Variants in DDX50 observed in about 807,000 individuals in gnomAD.
DDX50 encodes the protein DExD-box helicase 50.
Under a neutral mutation model 94.8 loss-of-function variants are expected in DDX50, and 56 were observed. The ratio of observed to expected loss-of-function variants is 0.59; its 90% CI spans 0.48 to 0.74. The LOEUF (loss-of-function observed/expected upper bound fraction) is 0.74, where lower values mean the gene tolerates loss of function less well. DDX50 is among the 30% of genes least tolerant of loss of function. The pLI, the probability that DDX50 is intolerant of heterozygous loss-of-function variation, is 0.00. For missense variants in DDX50, 713 were observed against 881.2 expected, an observed-to-expected ratio of 0.81 and a Z score of 2.42; for synonymous variants, 264 against 295.4, an observed-to-expected ratio of 0.89 and a Z score of 1.09.
At chr10:68,906,006 C>A (rs1439669383) in intron 1 of DDX50, among the ~76,000 whole-genome samples, 1 of 152,164 alleles carries the variant, frequency 6.6e-6, no homozygotes, top group Non-Finnish European at 1.5e-5. Context: ...TTTTGGAATT[C>A]AGAATTCTGG....
chr10:68,939,766 C>T (rs1032349702), intron 12 of DDX50, among the ~76,000 whole-genome samples: 1 of 152,148 alleles, frequency 6.6e-6, no homozygotes, highest in East Asian at 1.9e-4. Context: ...TCTTTGTTCC[C>T]TAAGCCCTGC....
At chr10:68,907,555 G>A (rs1841496823) in intron 2 of DDX50, among the ~76,000 whole-genome samples, 1 of 151,902 alleles carries the variant, frequency 6.6e-6, no homozygotes, top group Non-Finnish European at 1.5e-5. Context: ...ACCTCAAAGT[G>A]ATCCACCTGT....
chr10:68,934,974 G>T lies in DDX50; in HGVS notation c.1521+56G>T. On this transcript the variant is annotated intron_variant, in intron 10 of 14. Coordinates refer to ENST00000373585, the MANE Select transcript of DDX50 (RefSeq NM_024045.2). The surrounding 1 kb of genome is among the most constrained non-coding windows in gnomAD (Gnocchi z 4.0). ...TGTCTAAATGGTGCCTTAAAAGAGA[G>T]CTCTTCTTATATTTATTCTTACAAG... 1 of 1,552,646 alleles carries T rather than the reference G, an allele frequency of 6.4e-7. No individual in the cohort carries two copies. Among genetic ancestry groups the T allele is most frequent in the Non-Finnish European group, 8.7e-7 (1 of 1,150,824 alleles).
intron 4 of DDX50, chr10:68,911,587 G>A (rs1841627165): frequency 6.1e-6 from 1 of 164,916 alleles, no homozygotes; most frequent in African/African-American, 2.4e-5. Flanking sequence ...TTCTAAAGAG[G>A]TGTTCATTTA....
At chr10:68,902,124 T>C (rs1589244985) in intron 1 of DDX50, among the ~76,000 whole-genome samples, 2 of 144,518 alleles carry the variant, frequency 1.4e-5, no homozygotes, top group Non-Finnish European at 3.0e-5. Context: ...AGTAAAGAAA[T>C]GGTCTCTGCT....
intron 12 of DDX50, 114 bp from the exon 13 acceptor site, chr10:68,940,946 A>G (rs755684064): frequency 6.5e-6 from 9 of 1,391,528 alleles, no homozygotes; most frequent in Non-Finnish European, 8.6e-6. Flanking sequence ...CTGCAATGTT[A>G]TACTTTTGGC....
intron 1 of DDX50, among the ~76,000 whole-genome samples, chr10:68,901,839 A>G (rs1483669886): frequency 6.6e-6 from 1 of 152,194 alleles, no homozygotes; most frequent in Non-Finnish European, 1.5e-5. Context: ...TTAAGAAAAA[A>G]TGATTGCTTT....
At position 68,906,879 on chromosome 10, in the gene DDX50, T is replaced by G. The variant is rs775122594; in HGVS notation, c.256T>G (p.Ser86Ala). The change falls in exon 2 of 15, where the codon TCC (serine) becomes GCC (alanine). Residue 86 changes from serine (S) to alanine (A), a missense_variant. Physicochemically the swap from Ser to Ala is moderately conservative, Grantham distance 99. Around this residue, in one of 2 missense-constraint regions of DDX50, gnomAD observed 285 missense variants for 278.9 expected, o/e 1.02. Transcript: ENST00000373585. ...ATTTAATAGACTTTCAGATGAATTC[T>G]CCAAATCTCATAAGTCAAGAAGAAA... ...EGFNRLSDEFSKSHKSRRKDL... is the reference protein window; with the variant it reads ...EGFNRLSDEFAKSHKSRRKDL... 3 of 1,611,504 alleles carry G rather than the reference T, an allele frequency of 1.9e-6. No individual in the cohort carries two copies. In the South Asian group the frequency reaches 3.3e-5, roughly 18 times the overall value.
rs762057361 is a variant in DDX50 at position 68,913,180 on chromosome 10, A to G, written c.658A>G (p.Thr220Ala). The part of the protein sequence containing the change: ...RSPKVLVLAP[T>A]RELANQVAKD... Reference sequence around the variant, plus strand: ...TGCTCAGGTACTTGTTTTGGCTCCAACAAGGGAACTGGCAAACCAAGTAGC... The same window carrying G: ...TGCTCAGGTACTTGTTTTGGCTCCAGCAAGGGAACTGGCAAACCAAGTAGC... The change falls in exon 5 of 15, where the codon ACA becomes GCA. Residue 220 changes from threonine to alanine, a missense_variant. Around this residue, in one of 2 missense-constraint regions of DDX50, gnomAD observed 285 missense variants for 278.9 expected, o/e 1.02. Coordinates refer to ENST00000373585, the MANE Select transcript of DDX50 (RefSeq NM_024045.2). 116 of 1,608,816 alleles carry G rather than the reference A, an allele frequency of 7.2e-5. No homozygotes were observed. In the Admixed American group the frequency reaches 7.9e-4, roughly 11 times the overall value.
At chr10:68,914,587 GA>G (rs57933870) in intron 7 of DDX50, among the ~76,000 whole-genome samples, 4 of 151,950 alleles carry the variant, frequency 2.6e-5, no homozygotes, top group Non-Finnish European at 5.9e-5. Flanking sequence ...AAGCTGAGGT[GA>G]AAAAAAGATA....
intron 14 of DDX50, 124 bp downstream of exon 14, chr10:68,943,381 T>C (rs1842595454): frequency 1.3e-6 from 1 of 774,076 alleles, no homozygotes; most frequent in Non-Finnish European, 2.0e-6. Context: ...TTCCTTAATA[T>C]AAAATAACCA....
chr10:68,936,709 C>T lies in DDX50; in HGVS notation c.1596-227C>T, dbSNP rs536219137. On this transcript the variant is annotated intron_variant, in intron 11 of 14. Transcript: ENST00000373585. ...CAAAGATTAGCCAGGAGTGGTGGCG[C>T]GTGCACCTGTAGTCCCAGCTACTTG... Among the ~76,000 whole-genome samples the T allele has an allele frequency of 1.8e-3, 272 of 148,688 alleles. 1 individual carries two copies. Among genetic ancestry groups the T allele is most frequent in the African/African-American group, 6.5e-3 (262 of 40,378 alleles).
chr10:68,919,959 C>G lies in DDX50; in HGVS notation c.1217C>G (p.Ala406Gly), dbSNP rs750835195. The G allele has an allele frequency of 3.1e-6, 5 of 1,614,086 alleles. No homozygotes were observed. In the Admixed American group the frequency reaches 6.7e-5, roughly 22 times the overall value. ...CETKKNVTEM[A>G]MNPHIKQNAQ... ...ACCAAGAAGAATGTAACTGAAATGG[C>G]CATGAATCCACACATAAAACAGGTA... is the stretch of plus-strand genomic sequence containing the variant. Residue 406 changes from alanine to glycine, a missense_variant, in exon 8 of 15, where the codon GCC becomes GGC. Transcript: ENST00000373585.
chr10:68,944,233 T>TA (rs1351705812), intron 14 of DDX50, among the ~76,000 whole-genome samples: 1 of 152,208 alleles, frequency 6.6e-6, no homozygotes, highest in Non-Finnish European at 1.5e-5. Flanking sequence ...ATAAAGCTCA[T>TA]AGATTGTAAT....
At position 68,934,345 on chromosome 10, in the gene DDX50, A is replaced by G. The variant is rs1177883816; in HGVS notation, c.1386A>G (p.Gln462=). Residue 462 remains glutamine (Q), a synonymous_variant, in exon 9 of 15, where the codon CAA becomes CAG. Coordinates refer to ENST00000373585, the MANE Select transcript of DDX50 (RefSeq NM_024045.2). This position sits in a 1 kb window ranked among gnomAD's most constrained non-coding sequence, Gnocchi z 4.0. ...LDIPEVDLVI[Q]SSPPQDVESY... ...TTCCTGAAGTTGACCTGGTGATTCA[A>G]AGTTCTCCTCCTCAGGTAGGAAATG... is the stretch of plus-strand genomic sequence containing the variant. The G allele has an allele frequency of 6.2e-7, 1 of 1,613,732 alleles. No individual in the cohort carries two copies. Among genetic ancestry groups the G allele is most frequent in the South Asian group, 1.1e-5 (1 of 91,034 alleles).
At chr10:68,926,992 A>C (rs1285244545) in intron 8 of DDX50, among the ~76,000 whole-genome samples, 1 of 152,032 alleles carries the variant, frequency 6.6e-6, no homozygotes, top group African/African-American at 2.4e-5. Flanking sequence ...GGCTCACTGC[A>C]GCCTCAGTCT....
At chr10:68,902,760 C>T (rs1006019920) in intron 1 of DDX50, among the ~76,000 whole-genome samples, 1 of 152,226 alleles carries the variant, frequency 6.6e-6, no homozygotes, top group Non-Finnish European at 1.5e-5. Flanking sequence ...TTGTCTTTTG[C>T]ATCCCAATCC....
intron 8 of DDX50, among the ~76,000 whole-genome samples, chr10:68,923,937 CTTTTTTTTT>C (rs56820953): frequency 9.4e-5 from 4 of 42,410 alleles, no homozygotes; most frequent in Non-Finnish European, 1.6e-4. Flanking sequence ...AGATAGTCTG[CTTTTTTTTT>C]TTTTTTTTTT....
chr10:68,911,468 A>G (rs1271814999), intron 4 of DDX50, among the ~76,000 whole-genome samples: 2 of 152,220 alleles, frequency 1.3e-5, no homozygotes, highest in Non-Finnish European at 2.9e-5. Flanking sequence ...TGTCTTTGAT[A>G]ATTTCATGAA....
Sources: gnomAD v4.1 joint callset for allele counts (sites outside exome capture counted in the v4.1 genomes callset) on GRCh38, gnomAD v4.1.1 for gene constraint, gnomAD v4.1.1 regional missense constraint, Gnocchi (gnomAD v3.1) non-coding constraint, MANE v1.5 for transcripts, NCBI Gene and HGNC (gene_info 2026-07-23, HGNC 2026-07-21) for gene names.